The following CGGBP1 variants were observed in gnomAD, a reference collection of about 807,000 sequenced individuals.
The protein encoded by CGGBP1 is CGG triplet repeat-binding protein 1.
Under a neutral mutation model 11.4 loss-of-function variants are expected in CGGBP1, and 4 were observed. The observed-to-expected ratio is 0.35, with a 90% CI of 0.17 to 0.80. The LOEUF is 0.80. CGGBP1 is among the 30% of genes least tolerant of loss of function. CGGBP1 has a pLI of 0.52. For missense variants in CGGBP1, 135 were observed against 202.1 expected, an observed-to-expected ratio of 0.67 and a Z score of 2.01; for synonymous variants, 76 against 74.1, an observed-to-expected ratio of 1.03 and a Z score of -0.13.
At chr3:88,119,957 T>G (rs1300486210) in intron 2 of CGGBP1, among the ~76,000 whole-genome samples, 1 of 152,194 alleles carries the variant, frequency 6.6e-6, no homozygotes, top group African/African-American at 2.4e-5. Flanking sequence ...AGCATGTACA[T>G]TTATTACTTT....
At chr3:88,059,206 C>T, upstream of CGGBP1, 14 of 1,456,116 alleles carry the variant, frequency 9.6e-6, no homozygotes, top group South Asian at 1.4e-5. Flanking sequence ...GGCCCCTGTC[C>T]GGCTAGGGAG....
chr3:88,074,411 A>C (rs866761071), intron 2 of CGGBP1, among the ~76,000 whole-genome samples: 1 of 145,386 alleles, frequency 6.9e-6, no homozygotes, highest in East Asian at 2.0e-4. Context: ...GCTTGATCTC[A>C]GCTCACTGCA....
intron 2 of CGGBP1, among the ~76,000 whole-genome samples, chr3:88,130,758 C>T (rs1032552310): frequency 3.3e-5 from 5 of 151,756 alleles, no homozygotes; most frequent in African/African-American, 7.2e-5. Flanking sequence ...GTGCCTGGCC[C>T]TATTCTTGTT....
chr3:88,117,194 AAAT>A (rs1483966055), intron 2 of CGGBP1, among the ~76,000 whole-genome samples: 2 of 152,318 alleles, frequency 1.3e-5, no homozygotes, highest in African/African-American at 2.4e-5. Flanking sequence ...TTAATGAAGG[AAAT>A]AATATCTAAA....
chr3:88,107,625 C>T (rs1214628791), intron 2 of CGGBP1, among the ~76,000 whole-genome samples: 1 of 152,166 alleles, frequency 6.6e-6, no homozygotes, highest in South Asian at 2.1e-4. Flanking sequence ...CATGTATACT[C>T]CACCTCTGTG....
Position 88,085,707 on chromosome 3 carries a change from G to T in CGGBP1, c.-228-27484C>A, listed in dbSNP as rs145777904. Among the ~76,000 whole-genome samples the T allele has an allele frequency of 5.3e-3, 812 of 152,264 alleles. 5 individuals are homozygous for T. Among genetic ancestry groups the T allele is most frequent in the African/African-American group, 0.017 (699 of 41,564 alleles). ...GGAAGATGACCTGTTGACCTACCCA[G>T]ATTCATAAAACTAGTTAAGTGACAG... On this transcript the variant is annotated intron_variant, in intron 2 of 3. Coordinates refer to the CGGBP1 transcript ENST00000462901.
chr3:88,094,189 T>C (rs542926208), intron 2 of CGGBP1, among the ~76,000 whole-genome samples: 3 of 152,180 alleles, frequency 2.0e-5, no homozygotes, highest in South Asian at 2.1e-4. Flanking sequence ...CCTATTACAC[T>C]AGAGTATTTT....
chr3:88,086,822 G>T (rs1346103472), intron 2 of CGGBP1, among the ~76,000 whole-genome samples: 1 of 152,030 alleles, frequency 6.6e-6, no homozygotes, highest in Non-Finnish European at 1.5e-5. Flanking sequence ...TCGCTCTGTC[G>T]CCCAGGCTGG....
chr3:88,086,225 C>A (rs537913954), intron 2 of CGGBP1: 13 of 1,498,812 alleles, frequency 8.7e-6, no homozygotes, highest in Non-Finnish European at 1.1e-5. Flanking sequence ...AGAACTTTTT[C>A]TATAGTAATG....
At chr3:88,074,581 A>T (rs1405039829) in intron 2 of CGGBP1, among the ~76,000 whole-genome samples, 1 of 152,006 alleles carries the variant, frequency 6.6e-6, no homozygotes, top group Non-Finnish European at 1.5e-5. Flanking sequence ...ACCTCAAGTG[A>T]TCCGCCTGCC....
chr3:88,100,008 A>AT, intron 2 of CGGBP1, among the ~76,000 whole-genome samples: 1 of 152,242 alleles, frequency 6.6e-6, no homozygotes, highest in East Asian at 1.9e-4. Context: ...TCTGCACAGC[A>AT]AAAGAAACTA....
At chr3:88,070,736 C>G (rs961462295) in intron 2 of CGGBP1, among the ~76,000 whole-genome samples, 1 of 152,080 alleles carries the variant, frequency 6.6e-6, no homozygotes, top group African/African-American at 2.4e-5. Context: ...ATGTCAGTTC[C>G]TGTCCTAGAT....
intron 2 of CGGBP1, among the ~76,000 whole-genome samples, chr3:88,071,593 G>T (rs1576201370): frequency 6.6e-6 from 1 of 151,854 alleles, no homozygotes; most frequent in African/African-American, 2.4e-5. Flanking sequence ...CTGAGATCGC[G>T]CCACTGCACT....
chr3:88,085,404 A>C (rs73844861), intron 2 of CGGBP1, among the ~76,000 whole-genome samples: 1 of 152,170 alleles, frequency 6.6e-6, no homozygotes, highest in Non-Finnish European at 1.5e-5. Flanking sequence ...ATTTCATGTA[A>C]TTTTCACATA....
chr3:88,081,006 C>A (rs892806316), intron 2 of CGGBP1, among the ~76,000 whole-genome samples: 6 of 152,158 alleles, frequency 3.9e-5, no homozygotes, highest in African/African-American at 1.4e-4. Context: ...AGTTGTTTCT[C>A]CTTAGTCTCT....
At chr3:88,069,119 C>G (rs538992712) in intron 2 of CGGBP1, among the ~76,000 whole-genome samples, 1 of 137,934 alleles carries the variant, frequency 7.2e-6, no homozygotes, top group Non-Finnish European at 1.6e-5. Context: ...AGCAGAAGTT[C>G]CCCATCAGAA....
chr3:88,072,176 T>A (rs527762880), intron 2 of CGGBP1, among the ~76,000 whole-genome samples: 1 of 152,202 alleles, frequency 6.6e-6, no homozygotes, highest in East Asian at 1.9e-4. Context: ...AACTGAATTA[T>A]CTAGTAAGGG....
At chr3:88,129,051 C>G in intron 2 of CGGBP1, 1 of 1,439,492 alleles carries the variant, frequency 6.9e-7, no homozygotes, top group Non-Finnish European at 9.2e-7. Context: ...CCATTTTAAC[C>G]CTACCAAAAA....
chr3:88,133,674 C>A (rs1294246181), intron 2 of CGGBP1, among the ~76,000 whole-genome samples: 1 of 152,032 alleles, frequency 6.6e-6, no homozygotes, highest in Admixed American at 6.6e-5. Flanking sequence ...CCTGAAACTC[C>A]TAACTCTACA....
Sources: gnomAD v4.1 joint callset for allele counts (sites outside exome capture counted in the v4.1 genomes callset) on GRCh38, gnomAD v4.1.1 for gene constraint, MANE v1.5 for transcripts, NCBI Gene and HGNC (gene_info 2026-07-23, HGNC 2026-07-21) for gene names.